Variants in ZMYND15 observed in about 807,000 individuals in gnomAD.
ZMYND15 encodes zinc finger MYND-type containing 15.
ZMYND15 carries 54 observed loss-of-function variants against 81.7 expected under a neutral mutation model. The ratio of observed to expected loss-of-function variants is 0.66; its 90% confidence interval spans 0.53 to 0.83. The LOEUF (loss-of-function observed/expected upper bound fraction) is 0.83. ZMYND15 is among the 40% of genes least tolerant of loss of function. ZMYND15 has a pLI of 0.00. For missense variants in ZMYND15, 925 were observed against 973.5 expected (o/e 0.95, Z 0.66); for synonymous variants, 399 against 387.0 (o/e 1.03, Z -0.36).
chr17:4,739,966 G>A lies in ZMYND15; in HGVS notation c.-115G>A. The A allele has an allele frequency of 1.0e-6, 1 of 985,298 alleles. No homozygotes were observed. Among genetic ancestry groups the A allele is most frequent in the Non-Finnish European group, 1.2e-6 (1 of 829,922 alleles). The allele number at this position is 985,298 out of a possible 1,614,324, so 61.0% of individuals were successfully genotyped here. On this transcript the variant is annotated 5_prime_UTR_variant, in exon 1 of 14. Coordinates refer to ENST00000433935, the MANE Select transcript of ZMYND15 (RefSeq NM_001136046.3). This position sits in a 1 kb window ranked among gnomAD's most constrained non-coding sequence, Gnocchi z 5.3. ...CGTGGCCGCCCGCTGAGCCGGCGAG[G>A]GCTCGGGCAGCCCTGACGTCACAAC... is the stretch of plus-strand genomic sequence containing the variant.
Position 4,744,642 on chromosome 17 carries a change from T to A in ZMYND15, c.1701T>A (p.Ser567=). The change falls in exon 11 of 14, where the codon TCT becomes TCA. Residue 567 remains serine, a synonymous_variant. Coordinates refer to ENST00000433935, the MANE Select transcript of ZMYND15 (RefSeq NM_001136046.3). This position sits in a 1 kb window ranked among gnomAD's most constrained non-coding sequence, Gnocchi z 4.1. ...CCCCTCAGGACAGCCTGGAGGTGTC[T>A]GTCCGGCCTGGTTCCGGCATATCAG... ...FTLQRDSLEV[S]VRPGSGISAR... The A allele has an allele frequency of 6.2e-7, 1 of 1,612,844 alleles. No homozygotes were observed. Among genetic ancestry groups the A allele is most frequent in the Non-Finnish European group, 8.5e-7 (1 of 1,179,928 alleles).
Position 4,744,957 on chromosome 17 carries a change from T to C in ZMYND15, c.1896+29T>C, listed in dbSNP as rs1234105003. 1 of 1,613,464 alleles carries C rather than the reference T, an allele frequency of 6.2e-7. No homozygotes were observed. Among genetic ancestry groups the C allele is most frequent in the Admixed American group, 1.7e-5 (1 of 59,994 alleles). ...GGCAATGGGGGCAAAAGGGAACTTC[T>C]CTCCCCTCCTGCCTGGCCCCTCCCC... On this transcript the variant is annotated intron_variant, in intron 12 of 13. Transcript: ENST00000433935. The surrounding 1 kb of genome is among the most constrained non-coding windows in gnomAD (Gnocchi z 4.1).
In ZMYND15 at chr17:4,745,251, G is replaced by T. The variant is rs765940746; in HGVS notation, c.1933G>T (p.Glu645Ter). ...GCCAGCCTTCTTCACCGAGAGCAGC[G>T]AGTACAGCTGTGTGATGGACGGCCA... The part of the protein sequence containing the change: ...RVPAFFTESS[E>*]YSCVMDGQTM... The change falls in exon 13 of 14, where the codon GAG becomes TAG. Residue 645 changes from glutamate (E) to a stop codon, truncating the protein, a stop_gained. Coordinates refer to ENST00000433935, the MANE Select transcript of ZMYND15 (RefSeq NM_001136046.3). LOFTEE classifies it high-confidence loss of function. This position sits in a 1 kb window ranked among gnomAD's most constrained non-coding sequence, Gnocchi z 5.2. 1 of 1,613,988 alleles carries T rather than the reference G, an allele frequency of 6.2e-7. No homozygotes were observed. Among genetic ancestry groups the T allele is most frequent in the Non-Finnish European group, 8.5e-7 (1 of 1,179,986 alleles).
Position 4,745,751 on chromosome 17 carries a change from A to ACCCCTGGGAGCCCCGT in ZMYND15, c.2058-57_2058-56insCCCGTCCCCTGGGAGC. ...CCTGACCGCGCCCCTGGGAGCCCCG[A>ACCCCTGGGAGCCCCGT]CCCCTGGGAGCGCCGACCCCTGGGA... On this transcript the variant is annotated intron_variant, in intron 13 of 13. Coordinates refer to ENST00000433935, the MANE Select transcript of ZMYND15 (RefSeq NM_001136046.3). This position sits in a 1 kb window ranked among gnomAD's most constrained non-coding sequence, Gnocchi z 5.2. 2 of 1,195,448 alleles carry ACCCCTGGGAGCCCCGT rather than the reference A, an allele frequency of 1.7e-6. No homozygotes were observed. Among genetic ancestry groups the ACCCCTGGGAGCCCCGT allele is most frequent in the Non-Finnish European group, 2.2e-6 (2 of 897,364 alleles). 74.1% of individuals were successfully genotyped at this position (1,195,448 alleles called of 1,614,324 possible). A position where few individuals can be genotyped will look rare whatever the true frequency, so the allele number is the denominator to read the frequency against.
chr17:4,742,658 G>A (rs1916478680), intron 5 of ZMYND15, among the ~76,000 whole-genome samples, 167 bp downstream of exon 5: 1 of 152,168 alleles, frequency 6.6e-6, no homozygotes, highest in Non-Finnish European at 1.5e-5. Context: ...CTGGAGACAG[G>A]GTCTCTGAAG....
rs1162184522 is a variant in ZMYND15, at chr17:4,743,255, C to T, written c.1145-48C>T. On this transcript the variant is annotated intron_variant, in intron 5 of 13. Coordinates refer to ENST00000433935, the MANE Select transcript of ZMYND15 (RefSeq NM_001136046.3). This position sits in a 1 kb window ranked among gnomAD's most constrained non-coding sequence, Gnocchi z 4.3. ...CTCTGTCTCAAAAAAAAAAAAATGT[C>T]TGGGGTTCTAGCCCAGCACCTCAAC... 6.5e-7 allele frequency: 1 copy of T among 1,531,296 alleles called. No homozygotes were observed. Among genetic ancestry groups the T allele is most frequent in the East Asian group, 2.3e-5 (1 of 43,594 alleles). 94.9% of individuals were successfully genotyped at this position (1,531,296 alleles called of 1,614,324 possible).
chr17:4,742,275 GCAGACAGGACCTA>G, intron 4 of ZMYND15, 43 bp from the exon 5 acceptor site: 1 of 1,597,078 alleles, frequency 6.3e-7, no homozygotes, highest in Non-Finnish European at 8.6e-7. Context: ...CAGTTGAACA[GCAGACAGGACCTA>G]CAGAGGTTAA....
chr17:4,742,600 G>A, intron 5 of ZMYND15, 109 bp downstream of exon 5: 2 of 1,429,206 alleles, frequency 1.4e-6, no homozygotes, highest in Non-Finnish European at 1.9e-6. Context: ...AGTGTCTGGG[G>A]CTAGAGCCTA....
chr17:4,745,273 G>C lies in ZMYND15; in HGVS notation c.1955G>C (p.Gly652Ala). ...AGCGAGTACAGCTGTGTGATGGACG[G>C]CCAGACCATGGCGGTGGCCACTGGA... ...ESSEYSCVMD[G>A]QTMAVATGGG... The change falls in exon 13 of 14, where the codon GGC becomes GCC. Residue 652 changes from glycine (G) to alanine (A), a missense_variant. Coordinates refer to ENST00000433935, the MANE Select transcript of ZMYND15 (RefSeq NM_001136046.3). This position sits in a 1 kb window ranked among gnomAD's most constrained non-coding sequence, Gnocchi z 5.2. 6.2e-7 allele frequency: 1 copy of C among 1,613,864 alleles called. No homozygotes were observed.
Position 4,745,357 on chromosome 17 carries a change from CCGA to C in ZMYND15, c.2041_2043del (p.Asp681del). 1 of 1,606,752 alleles carries C rather than the reference CCGA, an allele frequency of 6.2e-7. No individual in the cohort carries two copies. On this transcript the variant is annotated inframe_deletion, in exon 13 of 14. Transcript: ENST00000433935. This position sits in a 1 kb window ranked among gnomAD's most constrained non-coding sequence, Gnocchi z 5.2. ...CGCTCCCCCTTTCGCCTCAGAGCGGCCGACAACTGCATGTCCTGGTAAGGGTCT... is the reference window on the plus strand; with the variant it reads ...CGCTCCCCCTTTCGCCTCAGAGCGGCCAACTGCATGTCCTGGTAAGGGTCT...
chr17:4,744,628 A>G lies in ZMYND15; in HGVS notation c.1687A>G (p.Ser563Gly), dbSNP rs369030986. 192 of 1,610,886 alleles carry G rather than the reference A, an allele frequency of 1.2e-4. No homozygotes were observed. The highest frequency in any genetic ancestry group is 1.6e-4 in the Non-Finnish European group (187 of 1,179,136). ...CCCCACTCCTGGGGCCCCTCAGGAC[A>G]GCCTGGAGGTGTCTGTCCGGCCTGG... ...DEQHFTLQRD[S>G]LEVSVRPGSG... Residue 563 changes from serine (S) to glycine (G), a missense_variant, in exon 11 of 14, where the codon AGC becomes GGC. By Grantham distance (56) the Ser-to-Gly change is moderately conservative. Coordinates refer to ENST00000433935, the MANE Select transcript of ZMYND15 (RefSeq NM_001136046.3). The surrounding 1 kb of genome is among the most constrained non-coding windows in gnomAD (Gnocchi z 4.1).
chr17:4,744,658 G>T lies in ZMYND15; in HGVS notation c.1717G>T (p.Gly573Cys). The T allele has an allele frequency of 6.2e-7, 1 of 1,613,330 alleles. No individual in the cohort carries two copies. The highest frequency in any genetic ancestry group is 8.5e-7 in the Non-Finnish European group (1 of 1,179,978). ...SLEVSVRPGS[G>C]ISARPSSGTK... ...GGAGGTGTCTGTCCGGCCTGGTTCC[G>T]GCATATCAGCACGGCCCAGCTCTGG... The change falls in exon 11 of 14, where the codon GGC becomes TGC. Residue 573 changes from glycine to cysteine, a missense_variant. Coordinates refer to ENST00000433935, the MANE Select transcript of ZMYND15 (RefSeq NM_001136046.3). The surrounding 1 kb of genome is among the most constrained non-coding windows in gnomAD (Gnocchi z 4.1).
In ZMYND15 at chr17:4,745,875, C is replaced by A; in HGVS notation, c.2114C>A (p.Ala705Asp). 4.4e-6 allele frequency: 7 copies of A among 1,580,448 alleles called. No individual in the cohort carries two copies. Among genetic ancestry groups the A allele is most frequent in the Non-Finnish European group, 6.0e-6 (7 of 1,165,430 alleles). The change falls in exon 14 of 14, where the codon GCC becomes GAC. Residue 705 changes from alanine (A) to aspartate (D), a missense_variant. By Grantham distance (126) the Ala-to-Asp change is moderately radical. Transcript: ENST00000433935. The surrounding 1 kb of genome is among the most constrained non-coding windows in gnomAD (Gnocchi z 5.2). Reference sequence around the variant, plus strand: ...TACAAGCCTGCTCAAGGGAGCGGGGCCCGCCCGGCGCCCGGGCCCCCACCC... The same window carrying A: ...TACAAGCCTGCTCAAGGGAGCGGGGACCGCCCGGCGCCCGGGCCCCCACCC... ...LVYKPAQGSG[A>D]RPAPGPPPPS... is the part of the protein sequence containing the mutation.
chr17:4,741,485 G>C (rs1197764434), intron 2 of ZMYND15, 97 bp from the exon 3 acceptor site: 15 of 1,350,912 alleles, frequency 1.1e-5, no homozygotes, highest in Non-Finnish European at 1.6e-5. Flanking sequence ...GAGGTTACTT[G>C]CCTAGCCCCG....
In ZMYND15 at chr17:4,743,652, C is replaced by G. The variant is rs550186591; in HGVS notation, c.1298-115C>G. 5.4e-6 allele frequency: 7 copies of G among 1,294,022 alleles called. No individual in the cohort carries two copies. In the African/African-American group the frequency reaches 8.9e-5, roughly 17 times the overall value. The allele number at this position is 1,294,022 out of a possible 1,614,324, so 80.2% of individuals were successfully genotyped here. The stretch of plus-strand genomic sequence containing the variant: ...CAGAAACCCCATCCCTATGCAAACC[C>G]CCATTCCTCTTACTGCGGCTGTCTC... On this transcript the variant is annotated intron_variant, in intron 6 of 13. Coordinates refer to ENST00000433935, the MANE Select transcript of ZMYND15 (RefSeq NM_001136046.3). This position sits in a 1 kb window ranked among gnomAD's most constrained non-coding sequence, Gnocchi z 4.3.
rs534006366 is a variant in ZMYND15 at position 4,740,686 on chromosome 17, G to T, written c.138G>T (p.Gln46His). The T allele has an allele frequency of 6.2e-7, 1 of 1,614,072 alleles. No individual in the cohort carries two copies. Among genetic ancestry groups the T allele is most frequent in the Non-Finnish European group, 8.5e-7 (1 of 1,179,932 alleles). ...LEGRCRQLEA[Q>H]IRRLPQDPAL... Reference sequence around the variant, plus strand: ...GCCGCTGCCGGCAGCTGGAGGCCCAGATCAGAAGGCTACCCCAGGACCCTG... The same window carrying T: ...GCCGCTGCCGGCAGCTGGAGGCCCATATCAGAAGGCTACCCCAGGACCCTG... The change falls in exon 2 of 14, where the codon CAG (glutamine) becomes CAT (histidine). Residue 46 changes from glutamine (Q) to histidine (H), a missense_variant. Physicochemically the swap from Gln to His is conservative, Grantham distance 24 (BLOSUM62 0). Coordinates refer to ENST00000433935, the MANE Select transcript of ZMYND15 (RefSeq NM_001136046.3).
At position 4,744,285 on chromosome 17, in the gene ZMYND15, C is replaced by A. The variant is rs760283483; in HGVS notation, c.1584+7C>A. On this transcript the variant is annotated splice_region_variant and intron_variant, in intron 9 of 13. Transcript: ENST00000433935. The surrounding 1 kb of genome is among the most constrained non-coding windows in gnomAD (Gnocchi z 4.1). ...CCTTGTCATGGTGTTTTGGGTAAGT[C>A]ACCCCAGGCCTGAAGGTTGGGCATT... 1 of 1,613,962 alleles carries A rather than the reference C, an allele frequency of 6.2e-7. No individual in the cohort carries two copies. The highest frequency in any genetic ancestry group is 1.7e-5 in the Admixed American group (1 of 60,002).
At position 4,745,356 on chromosome 17, in the gene ZMYND15, GC is replaced by G. The variant is rs775135669; in HGVS notation, c.2040del (p.Asp681ThrfsTer65). 1.2e-6 allele frequency: 2 copies of G among 1,606,696 alleles called. No homozygotes were observed. The highest frequency in any genetic ancestry group is 2.2e-5 in the East Asian group (1 of 44,846). ...CCGCTCCCCCTTTCGCCTCAGAGCG[GC>G]CGACAACTGCATGTCCTGGTAAGGG... ...PFRSPFRLRA[A>X]DNCMSWYCNA... On this transcript the variant is annotated frameshift_variant, in exon 13 of 14. Transcript: ENST00000433935. LOFTEE classifies it high-confidence loss of function. This position sits in a 1 kb window ranked among gnomAD's most constrained non-coding sequence, Gnocchi z 5.2.
chr17:4,744,124 G>T lies in ZMYND15; in HGVS notation c.1495+17G>T, dbSNP rs200613967. 19 of 1,609,150 alleles carry T rather than the reference G, an allele frequency of 1.2e-5. No individual in the cohort carries two copies. The highest frequency in any genetic ancestry group is 1.6e-4 in the Middle Eastern group (1 of 6,080). ...CCCAGTCCTGTAAGGAGAGCGGAGT[G>T]GGGGGTGGAGCAGGATGGGGGAGTG... On this transcript the variant is annotated intron_variant, in intron 8 of 13. Transcript: ENST00000433935. This position sits in a 1 kb window ranked among gnomAD's most constrained non-coding sequence, Gnocchi z 4.1.
Sources: gnomAD v4.1 joint callset for allele counts (sites outside exome capture counted in the v4.1 genomes callset) on GRCh38, gnomAD v4.1.1 for gene constraint, Gnocchi (gnomAD v3.1) non-coding constraint, MANE v1.5 for transcripts, NCBI Gene and HGNC (gene_info 2026-07-23, HGNC 2026-07-21) for gene names.